Variants in CDH18 observed in about 807,000 individuals in gnomAD.
CDH18 encodes cadherin-18.
In CDH18, 31 loss-of-function variants were observed where a neutral mutation model predicts 67.9. The observed-to-expected ratio is 0.46, with a 90% confidence interval of 0.34 to 0.62. The LOEUF (loss-of-function observed/expected upper bound fraction) is 0.62, where lower values mean the gene tolerates loss of function less well. CDH18 is among the 20% of genes least tolerant of loss of function. The probability of loss-of-function intolerance (pLI) is 0.01; values close to 1 mark genes in which losing one functional copy is unlikely to be tolerated. For synonymous variants in CDH18, 362 were observed against 347.2 expected, an observed-to-expected ratio of 1.04 and a Z score of -0.48; for missense variants, 890 against 975.5, an observed-to-expected ratio of 0.91 and a Z score of 1.17.
At chr5:19,899,842 GA>G (rs1436578850) in intron 2 of CDH18, among the ~76,000 whole-genome samples, 1 of 152,102 alleles carries the variant, frequency 6.6e-6, no homozygotes, top group African/African-American at 2.4e-5. Flanking sequence ...GTCACAAAAG[GA>G]CAAATACTGC....
At chr5:20,028,015 T>C (rs1739064794) in intron 2 of CDH18, among the ~76,000 whole-genome samples, 1 of 152,176 alleles carries the variant, frequency 6.6e-6, no homozygotes, top group South Asian at 2.1e-4. Flanking sequence ...AATAGTTTTA[T>C]TTTTTAAAAG....
chr5:20,221,071 GA>G (rs1453737840), intron 2 of CDH18, among the ~76,000 whole-genome samples: 2 of 151,920 alleles, frequency 1.3e-5, no homozygotes, highest in Non-Finnish European at 2.9e-5. Flanking sequence ...GACATTTCTT[GA>G]AAAACTAAAA....
intron 2 of CDH18, among the ~76,000 whole-genome samples, chr5:20,234,537 A>G (rs7729704): frequency 0.51 from 77,865 of 151,832 alleles, 20,390 homozygotes; most frequent in Middle Eastern, 0.64. Context: ...GATGATGGCC[A>G]TCTGTAAACC....
At chr5:19,836,909 G>T (rs138626780) in intron 3 of CDH18, among the ~76,000 whole-genome samples, 3,175 of 152,118 alleles carry the variant, frequency 0.021, 50 homozygotes, top group Non-Finnish European at 0.03. Flanking sequence ...CCATTACTGG[G>T]TATATACCCA....
intron 3 of CDH18, among the ~76,000 whole-genome samples, chr5:19,776,195 A>G (rs1774350603): frequency 6.6e-6 from 1 of 152,202 alleles, no homozygotes; most frequent in Non-Finnish European, 1.5e-5. Context: ...GACACAATAA[A>G]GAAAATTAGA....
At chr5:19,955,547 C>G (rs1335660300) in intron 2 of CDH18, among the ~76,000 whole-genome samples, 1 of 151,948 alleles carries the variant, frequency 6.6e-6, no homozygotes, top group Non-Finnish European at 1.5e-5. Flanking sequence ...ATTAAGAGGA[C>G]AGTTAAAAGA....
intron 5 of CDH18, among the ~76,000 whole-genome samples, chr5:19,688,072 C>T (rs1010324612): frequency 6.6e-6 from 1 of 152,162 alleles, no homozygotes; most frequent in Non-Finnish European, 1.5e-5. Flanking sequence ...TTACAGCAGC[C>T]ACCATTAACA....
At chr5:20,458,639 C>A (rs58031666) in intron 1 of CDH18, among the ~76,000 whole-genome samples, 41,822 of 151,690 alleles carry the variant, frequency 0.28, 6,154 homozygotes, top group East Asian at 0.39. Context: ...ACAAGAACAA[C>A]AAAAAACCCA....
At chr5:20,538,570 C>A (rs779750490) in intron 1 of CDH18, among the ~76,000 whole-genome samples, 1 of 152,062 alleles carries the variant, frequency 6.6e-6, no homozygotes, top group Non-Finnish European at 1.5e-5. Context: ...GCATCTCATG[C>A]AGAATAATGA....
intron 3 of CDH18, among the ~76,000 whole-genome samples, chr5:19,748,464 T>G (rs1456272917): frequency 2.0e-5 from 3 of 152,134 alleles, no homozygotes; most frequent in Admixed American, 1.3e-4. Context: ...GTTCCAAGAG[T>G]GCCAGTGCTA....
intron 5 of CDH18, among the ~76,000 whole-genome samples, chr5:19,664,066 A>C (rs538473994): frequency 3.9e-5 from 6 of 151,932 alleles, no homozygotes; most frequent in Non-Finnish European, 8.8e-5. Context: ...CTGTGAACTA[A>C]ATTGGATTCA....
At chr5:19,768,319 A>C (rs1263076098) in intron 3 of CDH18, among the ~76,000 whole-genome samples, 1 of 152,214 alleles carries the variant, frequency 6.6e-6, no homozygotes, top group Non-Finnish European at 1.5e-5. Flanking sequence ...GCTTAAAAGG[A>C]AAAGCTAGGG....
chr5:19,765,038 C>T (rs1162802179), intron 3 of CDH18, among the ~76,000 whole-genome samples: 1 of 152,058 alleles, frequency 6.6e-6, no homozygotes, highest in Non-Finnish European at 1.5e-5. Context: ...GGATTTGTAT[C>T]CCTGACCATC....
intron 2 of CDH18, among the ~76,000 whole-genome samples, chr5:20,247,021 T>C (rs1423291855): frequency 1.3e-5 from 2 of 152,162 alleles, no homozygotes; most frequent in South Asian, 2.1e-4. Context: ...GATATCCTTC[T>C]TTCTGGGTTT....
intron 2 of CDH18, among the ~76,000 whole-genome samples, chr5:19,841,172 G>A (rs1430844534): frequency 6.6e-6 from 1 of 152,156 alleles, no homozygotes; most frequent in Non-Finnish European, 1.5e-5. Context: ...TGTAGGATTA[G>A]AGTAATTGGA....
intron 10 of CDH18, among the ~76,000 whole-genome samples, chr5:19,504,018 C>T (rs1561215038): frequency 6.6e-6 from 1 of 151,782 alleles, no homozygotes; most frequent in East Asian, 1.9e-4. Flanking sequence ...TTTCTTAGAA[C>T]ATTATAACTA....
chr5:19,577,319 T>C (rs887957717), intron 7 of CDH18, among the ~76,000 whole-genome samples: 15 of 152,152 alleles, frequency 9.9e-5, no homozygotes, highest in African/African-American at 3.1e-4. Context: ...ATCATAAATA[T>C]ATATAATTAT....
chr5:20,226,189 G>C (rs549871991), intron 2 of CDH18, among the ~76,000 whole-genome samples: 1 of 151,978 alleles, frequency 6.6e-6, no homozygotes, highest in Admixed American at 6.6e-5. Context: ...TAAACACACT[G>C]GCCTTCAGAA....
At chr5:19,746,083 CATAAAG>C (rs1561209321) in intron 4 of CDH18, among the ~76,000 whole-genome samples, 3 of 152,024 alleles carry the variant, frequency 2.0e-5, no homozygotes, top group Non-Finnish European at 1.5e-5. Context: ...CTTAGAGTCT[CATAAAG>C]ATAGTCGAAA....
Sources: allele counts gnomAD v4.1 joint callset (sites outside exome capture counted in the v4.1 genomes callset), GRCh38; gene constraint gnomAD v4.1.1; transcripts MANE v1.5; gene names NCBI Gene and HGNC (gene_info 2026-07-23, HGNC 2026-07-21).